Variants in ACOX3 observed in about 807,000 individuals in gnomAD.
ACOX3 encodes the protein acyl-CoA oxidase 3, pristanoyl.
Under a neutral mutation model 81.5 loss-of-function variants are expected in ACOX3, and 73 were observed. The ratio of observed to expected loss-of-function variants is 0.90; its 90% CI spans 0.74 to 1.09. The LOEUF (loss-of-function observed/expected upper bound fraction) is 1.09, where lower values mean the gene tolerates loss of function less well. Among genes scored for constraint, ACOX3 ranks in the 50% least tolerant of loss-of-function variants. The pLI is 0.00. For synonymous variants in ACOX3, 387 were observed against 375.1 expected, an observed-to-expected ratio of 1.03 and a Z score of -0.37; for missense variants, 947 against 928.0, an observed-to-expected ratio of 1.02 and a Z score of -0.27.
chr4:8,375,349 G>A (rs1038251612), intron 14 of ACOX3, among the ~76,000 whole-genome samples, 197 bp from the exon 15 acceptor site: 3 of 152,252 alleles, frequency 2.0e-5, no homozygotes, highest in Non-Finnish European at 4.4e-5. Context: ...AGAGGCCTAT[G>A]AAGATGGAGC....
At chr4:8,428,039 T>A (rs1361362708) in intron 1 of ACOX3, among the ~76,000 whole-genome samples, 1 of 152,248 alleles carries the variant, frequency 6.6e-6, no homozygotes, top group Non-Finnish European at 1.5e-5. Context: ...GAAGTGGGGC[T>A]TCAAGATCAC....
chr4:8,399,755 G>GA lies in ACOX3; in HGVS notation c.777-104dup. ...AGCTGATGCAATCCCCGAGGACAAA[G>GA]AAAATGGCAGAGGGCAAGTAGACAG... is the stretch of plus-strand genomic sequence containing the variant. On this transcript the variant is annotated intron_variant, in intron 7 of 17. Transcript: ENST00000356406. The surrounding 1 kb of genome is among the most constrained non-coding windows in gnomAD (Gnocchi z 4.9). The GA allele has an allele frequency of 9.9e-7, 1 of 1,011,178 alleles. No individual in the cohort carries two copies. The highest frequency in any genetic ancestry group is 1.5e-6 in the Non-Finnish European group (1 of 662,842). 62.6% of individuals were successfully genotyped at this position (1,011,178 alleles called of 1,614,324 possible). A position where few individuals can be genotyped will look rare whatever the true frequency, so the allele number is the denominator to read the frequency against.
intron 13 of ACOX3, among the ~76,000 whole-genome samples, chr4:8,387,475 G>A (rs114706656): frequency 4.6e-5 from 7 of 152,204 alleles, no homozygotes; most frequent in Admixed American, 4.6e-4. Flanking sequence ...GACCCCTCTC[G>A]GCCCTTCTCT....
chr4:8,440,462 A>T (rs1300234554), intron 1 of ACOX3, among the ~76,000 whole-genome samples, 186 bp downstream of exon 1: 1 of 152,220 alleles, frequency 6.6e-6, no homozygotes, highest in African/African-American at 2.4e-5. Flanking sequence ...CCAAGTGGAG[A>T]AAAGTTAGCT....
intron 1 of ACOX3, among the ~76,000 whole-genome samples, chr4:8,426,797 T>C (rs1723532045): frequency 6.6e-6 from 1 of 152,148 alleles, no homozygotes; most frequent in South Asian, 2.1e-4. Context: ...ACTACAAATG[T>C]TCTTCAAATG....
In ACOX3 at chr4:8,368,762, C is replaced by G. The variant is rs1022610165; in HGVS notation, c.1984-1682G>C. On this transcript the variant is annotated intron_variant, in intron 17 of 17. Coordinates refer to ENST00000356406, the MANE Select transcript of ACOX3 (RefSeq NM_003501.3). The surrounding 1 kb of genome is among the most constrained non-coding windows in gnomAD (Gnocchi z 5.9). ...TTTTTTTTTTGAGATGAGGTCTCAC[C>G]CTGTTGGCCAGGCTGGAGTGCAGTG... 1.3e-5 allele frequency among the ~76,000 whole-genome samples: 2 copies of G among 151,488 alleles called. No homozygotes were observed. Among genetic ancestry groups the G allele is most frequent in the Non-Finnish European group, 2.9e-5 (2 of 67,914 alleles).
intron 1 of ACOX3, among the ~76,000 whole-genome samples, chr4:8,439,519 G>C (rs1265054814): frequency 6.6e-6 from 1 of 152,202 alleles, no homozygotes; most frequent in Non-Finnish European, 1.5e-5. Flanking sequence ...TCCCCAAGCA[G>C]ATGCCAAGTT....
At chr4:8,363,891 A>G, downstream of ACOX3, among the ~76,000 whole-genome samples, 1 of 152,204 alleles carries the variant, frequency 6.6e-6, no homozygotes, top group East Asian at 1.9e-4. Flanking sequence ...ACAAGGTCTA[A>G]AACAGGGAGG....
At position 8,426,902 on chromosome 4, in the gene ACOX3, C is replaced by T. The variant is rs896758879; in HGVS notation, c.-14-10367G>A. Among the ~76,000 whole-genome samples, 7 of 152,308 alleles carry T rather than the reference C, an allele frequency of 4.6e-5. No homozygotes were observed. In the South Asian group the frequency reaches 1.4e-3, roughly 32 times the overall value. ...GATGTTGATGACATCGAAGGCACCA[C>T]TCCCGAGGAAATCTCAACTGCATGA... On this transcript the variant is annotated intron_variant, in intron 1 of 17. Transcript: ENST00000356406.
chr4:8,435,562 G>T (rs764484760), intron 1 of ACOX3, among the ~76,000 whole-genome samples: 3 of 152,106 alleles, frequency 2.0e-5, no homozygotes, highest in Admixed American at 1.3e-4. Flanking sequence ...AGGAACTACA[G>T]ACAGGGAACA....
In ACOX3 at chr4:8,368,595, TCA is replaced by T. The variant is rs1042873738; in HGVS notation, c.1984-1517_1984-1516del. ...CAGGGCCTAGGTTCCAGCTTATGTT[TCA>T]CAGTTTGGAGCAGCGGGCTTGATTT... On this transcript the variant is annotated intron_variant, in intron 17 of 17. Coordinates refer to ENST00000356406, the MANE Select transcript of ACOX3 (RefSeq NM_003501.3). This position sits in a 1 kb window ranked among gnomAD's most constrained non-coding sequence, Gnocchi z 5.9. Among the ~76,000 whole-genome samples the T allele has an allele frequency of 4.1e-4, 63 of 152,324 alleles. No homozygotes were observed. The highest frequency in any genetic ancestry group is 3.7e-3 in the Admixed American group (56 of 15,308).
rs373698932 is a variant in ACOX3, at chr4:8,416,323, C to A, written c.144+55G>T. On this transcript the variant is annotated intron_variant, in intron 2 of 17. Coordinates refer to ENST00000356406, the MANE Select transcript of ACOX3 (RefSeq NM_003501.3). The surrounding 1 kb of genome is among the most constrained non-coding windows in gnomAD (Gnocchi z 4.2). ...AGAGCCAGAAATCCCATTCTGCTAA[C>A]GAACTAAGACCCCACTGGGAAAAAA... The A allele has an allele frequency of 1.3e-4, 202 of 1,612,866 alleles. 3 individuals carry two copies. The South Asian group carries it at 2.1e-3, about 16-fold the overall frequency.
At chr4:8,429,445 T>C (rs1723812929) in intron 1 of ACOX3, among the ~76,000 whole-genome samples, 1 of 152,222 alleles carries the variant, frequency 6.6e-6, no homozygotes, top group African/African-American at 2.4e-5. Context: ...TTTAAGACTA[T>C]TACAAGGTGA....
rs879812715 is a variant in ACOX3, at chr4:8,432,378, C to T, written c.-15+8270G>A. Among the ~76,000 whole-genome samples the T allele has an allele frequency of 1.3e-5, 2 of 151,818 alleles. No homozygotes were observed. Among genetic ancestry groups the T allele is most frequent in the Admixed American group, 6.6e-5 (1 of 15,260 alleles). The stretch of plus-strand genomic sequence containing the variant: ...CCTCCCGAGTAGCTGGGACTACAGG[C>T]GCCCACCACCACGCCCGGCTAATTT... On this transcript the variant is annotated intron_variant, in intron 1 of 17. Transcript: ENST00000356406. This position sits in a 1 kb window ranked among gnomAD's most constrained non-coding sequence, Gnocchi z 6.2.
At chr4:8,357,433 G>A in the ACOX3 span, 2 of 353,954 alleles carry the variant, frequency 5.7e-6, no homozygotes, top group African/African-American at 4.3e-5. Context: ...AATTGGAGGG[G>A]CAACTATTTC....
intron 13 of ACOX3, among the ~76,000 whole-genome samples, chr4:8,388,047 A>C (rs1395294618): frequency 6.6e-6 from 1 of 152,212 alleles, no homozygotes; most frequent in African/African-American, 2.4e-5. Context: ...ACCTCCCGTC[A>C]TTCACAGCAG....
chr4:8,416,282 C>T lies in ACOX3; in HGVS notation c.144+96G>A. ...GCTGCCTGGGATGAGCCTCGCCCGG[C>T]AGAGGAGGAGCTGTGAGAGCCAGAA... On this transcript the variant is annotated intron_variant, in intron 2 of 17. Transcript: ENST00000356406. The surrounding 1 kb of genome is among the most constrained non-coding windows in gnomAD (Gnocchi z 4.2). 4 of 1,599,480 alleles carry T rather than the reference C, an allele frequency of 2.5e-6. No individual in the cohort carries two copies. Among genetic ancestry groups the T allele is most frequent in the Non-Finnish European group, 3.4e-6 (4 of 1,170,054 alleles).
rs1158871285 is a variant in ACOX3, at chr4:8,414,807, TCAAGCAAGAGAAC to T, written c.453+34_453+46del. On this transcript the variant is annotated intron_variant, in intron 4 of 17. Transcript: ENST00000356406. This position sits in a 1 kb window ranked among gnomAD's most constrained non-coding sequence, Gnocchi z 6.1. ...CTCTTTTCACAAATCTCTACAGAGA[TCAAGCAAGAGAAC>T]CAGGCTCACAATTTACCATGAACCA... The T allele has an allele frequency of 6.4e-7, 1 of 1,573,024 alleles. No individual in the cohort carries two copies. Among genetic ancestry groups the T allele is most frequent in the Non-Finnish European group, 8.8e-7 (1 of 1,142,748 alleles).
rs536879767 is a variant in ACOX3, at chr4:8,419,805, C to T, written c.-14-3270G>A. Among the ~76,000 whole-genome samples, 25 of 152,284 alleles carry T rather than the reference C, an allele frequency of 1.6e-4. No individual in the cohort carries two copies. The highest frequency in any genetic ancestry group is 6.8e-3 in the Middle Eastern group (2 of 294). On this transcript the variant is annotated intron_variant, in intron 1 of 17. Coordinates refer to ENST00000356406, the MANE Select transcript of ACOX3 (RefSeq NM_003501.3). The surrounding 1 kb of genome is among the most constrained non-coding windows in gnomAD (Gnocchi z 4.2). ...CAGCCTCTCAGCCCTGACCCAGCTT[C>T]GCCTCCTGCACCCCAGTTCCACACT...
Sources: allele counts gnomAD v4.1 joint callset (sites outside exome capture counted in the v4.1 genomes callset), GRCh38; gene constraint gnomAD v4.1.1; non-coding constraint Gnocchi (gnomAD v3.1); transcripts MANE v1.5; gene names NCBI Gene and HGNC (gene_info 2026-07-23, HGNC 2026-07-21).